DOCK1: variants seen among roughly 807,000 people sequenced by gnomAD.
DOCK1 encodes the protein dedicator of cytokinesis 1, also known as dedicator of cytokinesis protein 1.
A neutral mutation model predicts 262.7 loss-of-function variants in DOCK1; 138 were observed. That is an observed-to-expected ratio of 0.53 (90% CI 0.46 to 0.61). DOCK1 has a LOEUF of 0.61. Among genes scored for constraint, DOCK1 ranks in the 20% least tolerant of loss-of-function variants. The pLI is 0.00. For synonymous variants in DOCK1, 866 were observed against 867.4 expected (o/e 1.00, Z 0.03); for missense variants, 1,908 against 2,370.7 (o/e 0.80, Z 4.05).
chr10:126,981,706 C>T (rs1305278945), intron 3 of DOCK1, among the ~76,000 whole-genome samples: 1 of 152,160 alleles, frequency 6.6e-6, no homozygotes, highest in Non-Finnish European at 1.5e-5. Context: ...AGTGTGTTGC[C>T]TGTTTGCTTC....
intron 33 of DOCK1, among the ~76,000 whole-genome samples, chr10:127,366,770 GGTCGGCTGCT>G (rs1415876482): frequency 1.3e-5 from 2 of 152,186 alleles, no homozygotes; most frequent in Non-Finnish European, 2.9e-5. Context: ...GGATGGGGAT[GGTCGGCTGCT>G]GCCTAACTCC....
Position 127,112,413 on chromosome 10 carries a change from G to T in DOCK1, c.2623+2059G>T, listed in dbSNP as rs565467108. 1.4e-3 allele frequency among the ~76,000 whole-genome samples: 207 copies of T among 152,250 alleles called. 1 individual carries two copies. Among genetic ancestry groups the T allele is most frequent in the African/African-American group, 4.8e-3 (198 of 41,550 alleles). Reference sequence around the variant, plus strand: ...ATTCGATGATTTTGTTAGCTTAGGTGTTTGTAATTGTGTTCTGTCCCTCTT... The same window carrying T: ...ATTCGATGATTTTGTTAGCTTAGGTTTTTGTAATTGTGTTCTGTCCCTCTT... On this transcript the variant is annotated intron_variant, in intron 25 of 51. Transcript: ENST00000623213.
intron 49 of DOCK1, among the ~76,000 whole-genome samples, chr10:127,443,506 T>G (rs535928186): frequency 2.6e-5 from 4 of 152,154 alleles, no homozygotes; most frequent in Admixed American, 6.5e-5. Flanking sequence ...CTGCTCTGTC[T>G]TAAGTCTCCA....
At chr10:127,229,496 T>A (rs571575746) in intron 27 of DOCK1, among the ~76,000 whole-genome samples, 1 of 152,172 alleles carries the variant, frequency 6.6e-6, no homozygotes, top group African/African-American at 2.4e-5. Flanking sequence ...TTTGTCTTTC[T>A]GTGCCTTACT....
intron 27 of DOCK1, among the ~76,000 whole-genome samples, chr10:127,189,373 A>G (rs975964004): frequency 6.6e-6 from 1 of 152,028 alleles, no homozygotes; most frequent in Admixed American, 6.6e-5. Context: ...TGTGGGGCCA[A>G]CCCTGCCAGT....
chr10:127,138,046 T>C, intron 27 of DOCK1: 1 of 1,574,824 alleles, frequency 6.3e-7, no homozygotes, highest in Non-Finnish European at 8.6e-7. Context: ...AGTGAAGACT[T>C]TAGCATTTGA....
chr10:127,138,182 G>A (rs917519609), intron 27 of DOCK1, among the ~76,000 whole-genome samples: 2 of 152,150 alleles, frequency 1.3e-5, no homozygotes. Context: ...CTGTGCTCCC[G>A]TGAAATAGTT....
At chr10:127,251,606 C>T (rs941601267) in intron 28 of DOCK1, among the ~76,000 whole-genome samples, 9 of 143,942 alleles carry the variant, frequency 6.3e-5, no homozygotes, top group African/African-American at 1.8e-4. Context: ...TGTTCAATTC[C>T]CACCTATGAG....
intron 31 of DOCK1, among the ~76,000 whole-genome samples, chr10:127,350,245 A>G (rs1369042087): frequency 7.2e-6 from 1 of 139,060 alleles, no homozygotes; most frequent in Non-Finnish European, 1.6e-5. Flanking sequence ...TTAAAAAAAA[A>G]GTGGCGGCAG....
Position 127,176,781 on chromosome 10 carries a change from G to A in DOCK1, c.2847+49017G>A, listed in dbSNP as rs945925683. 5.8e-6 allele frequency: 1 copy of A among 172,192 alleles called. No homozygotes were observed. The highest frequency in any genetic ancestry group is 1.2e-5 in the Non-Finnish European group (1 of 81,362). 10.7% of individuals were successfully genotyped at this position (172,192 alleles called of 1,614,324 possible). On this transcript the variant is annotated intron_variant, in intron 27 of 51. Transcript: ENST00000623213. This position sits in a 1 kb window ranked among gnomAD's most constrained non-coding sequence, Gnocchi z 4.4. ...CCTTCTTAGGCAGATGGTTTACCAAGTGCTACTTATTTGGTTTGCGTTTTG... is the reference window on the plus strand; with the variant it reads ...CCTTCTTAGGCAGATGGTTTACCAAATGCTACTTATTTGGTTTGCGTTTTG...
chr10:127,200,186 A>G (rs1297954186), intron 27 of DOCK1, among the ~76,000 whole-genome samples: 2 of 152,210 alleles, frequency 1.3e-5, no homozygotes, highest in African/African-American at 4.8e-5. Flanking sequence ...GAAAGAACAC[A>G]GGGCGAGTCC....
intron 50 of DOCK1, among the ~76,000 whole-genome samples, chr10:127,445,632 A>G (rs1200467496): frequency 1.6e-4 from 24 of 152,226 alleles, no homozygotes; most frequent in Admixed American, 1.6e-3. Flanking sequence ...ATAAACCTAT[A>G]ATATCAACTG....
intron 25 of DOCK1, among the ~76,000 whole-genome samples, chr10:127,117,359 C>T (rs552829431): frequency 1.3e-3 from 200 of 152,312 alleles, no homozygotes; most frequent in African/African-American, 4.6e-3. Flanking sequence ...GAGGTGGCTT[C>T]TTACAAATCT....
At chr10:126,914,406 A>T (rs1477282545) in intron 1 of DOCK1, among the ~76,000 whole-genome samples, 1 of 152,014 alleles carries the variant, frequency 6.6e-6, no homozygotes, top group African/African-American at 2.4e-5. Context: ...ATTTTATTTT[A>T]TTTATTTATT....
At chr10:126,948,904 A>T (rs1337830983) in intron 1 of DOCK1, among the ~76,000 whole-genome samples, 2 of 152,036 alleles carry the variant, frequency 1.3e-5, no homozygotes, top group Non-Finnish European at 2.9e-5. Context: ...GGGTTGCGTG[A>T]GAAGGCAGGT....
rs1475698433 is a variant in DOCK1, at chr10:127,110,266, C to T, written c.2535C>T (p.Phe845=). ...CTCACAGCAAAATGTTTACTGAATT[C>T]ATCCTCAATGTTCCCATGGGCTTGC... The part of the protein sequence containing the change: ...PKELSKMFTE[F]ILNVPMGLLT... Residue 845 remains phenylalanine, a synonymous_variant, in exon 25 of 52, where the codon TTC becomes TTT. Coordinates refer to ENST00000623213, the MANE Select transcript of DOCK1 (RefSeq NM_001290223.2). The T allele has an allele frequency of 1.9e-6, 3 of 1,613,130 alleles. No individual in the cohort carries two copies. The highest frequency in any genetic ancestry group is 1.7e-5 in the Admixed American group (1 of 59,936).
intron 46 of DOCK1, among the ~76,000 whole-genome samples, chr10:127,424,900 C>G (rs1591001536): frequency 6.6e-6 from 1 of 152,158 alleles, no homozygotes; most frequent in Non-Finnish European, 1.5e-5. Context: ...CGCTGCTACT[C>G]CCTCCTTTCC....
chr10:126,973,268 G>T (rs61875503), intron 2 of DOCK1, among the ~76,000 whole-genome samples: 2 of 150,230 alleles, frequency 1.3e-5, no homozygotes, highest in African/African-American at 2.5e-5. Flanking sequence ...TCGCTCTGTC[G>T]CCCGGGCTGG....
intron 38 of DOCK1, among the ~76,000 whole-genome samples, chr10:127,387,119 G>A (rs1017019847): frequency 3.9e-5 from 6 of 152,220 alleles, no homozygotes; most frequent in South Asian, 2.1e-4. Context: ...AGGAATGTGC[G>A]CATTTGTTGA....
Sources: allele counts gnomAD v4.1 joint callset (sites outside exome capture counted in the v4.1 genomes callset), GRCh38; gene constraint gnomAD v4.1.1; non-coding constraint Gnocchi (gnomAD v3.1); transcripts MANE v1.5; gene names NCBI Gene and HGNC (gene_info 2026-07-23, HGNC 2026-07-21).